The following ANKRD18B variants were observed in gnomAD, a reference collection of about 807,000 sequenced individuals.
The protein encoded by ANKRD18B is ankyrin repeat domain-containing protein 18B.
In ANKRD18B, 75 loss-of-function variants were observed where a neutral mutation model predicts 111.8. The observed-to-expected ratio is 0.67, with a 90% CI of 0.56 to 0.81. The LOEUF (loss-of-function observed/expected upper bound fraction) is 0.81. ANKRD18B is among the 40% of genes least tolerant of loss of function. ANKRD18B has a pLI of 0.00. For synonymous variants in ANKRD18B, 356 were observed against 417.3 expected (o/e 0.85, Z 1.79); for missense variants, 1,038 against 1,225.5 (o/e 0.85, Z 2.28).
intron 6 of ANKRD18B, among the ~76,000 whole-genome samples, chr9:33,538,686 G>A (rs10971555): frequency 2.0e-5 from 3 of 151,682 alleles, no homozygotes; most frequent in Admixed American, 2.0e-4. Context: ...CAGTGAACCG[G>A]AATGCACCAC....
intron 13 of ANKRD18B, 106 bp downstream of exon 13, chr9:33,555,926 C>A (rs2118090909): frequency 4.6e-5 from 33 of 715,898 alleles, no homozygotes; most frequent in Non-Finnish European, 5.2e-5. Context: ...TCTTCATTTT[C>A]ATAATTAAAT....
At chr9:33,555,633 A>T (rs776707673) in intron 12 of ANKRD18B, 75 bp from the exon 13 acceptor site, 1 of 1,100,842 alleles carries the variant, frequency 9.1e-7, no homozygotes, top group East Asian at 3.2e-5. Context: ...TCATCAACTT[A>T]TGAGAAATAA....
intron 1 of ANKRD18B, among the ~76,000 whole-genome samples, chr9:33,527,457 G>A (rs1828042251): frequency 6.6e-6 from 1 of 152,078 alleles, no homozygotes; most frequent in Non-Finnish European, 1.5e-5. Flanking sequence ...GAGTAGCTGG[G>A]ATTACAGGTG....
intron 3 of ANKRD18B, among the ~76,000 whole-genome samples, chr9:33,533,015 A>C (rs905619492): frequency 6.6e-6 from 1 of 152,192 alleles, no homozygotes; most frequent in Non-Finnish European, 1.5e-5. Flanking sequence ...ACACTTCTCT[A>C]GAGGTAATAA....
At chr9:33,573,719 G>A (rs1362613511), downstream of ANKRD18B, among the ~76,000 whole-genome samples, 2 of 145,056 alleles carry the variant, frequency 1.4e-5, no homozygotes, top group African/African-American at 2.4e-5. Flanking sequence ...TGGGCTGATG[G>A]CAGCATTGTA....
chr9:33,531,314 CAGAGAA>C (rs1563899039), intron 3 of ANKRD18B, among the ~76,000 whole-genome samples: 2 of 151,828 alleles, frequency 1.3e-5, no homozygotes, highest in African/African-American at 4.8e-5. Flanking sequence ...CGATACTAGA[CAGAGAA>C]AAAGTTCCAC....
At chr9:33,534,333 A>G in intron 4 of ANKRD18B, 37 bp from the exon 5 acceptor site, 1 of 1,503,528 alleles carries the variant, frequency 6.7e-7, no homozygotes, top group Non-Finnish European at 8.9e-7. Flanking sequence ...TATCTTTATC[A>G]AAGTTCTTGA....
chr9:33,541,365 T>C, intron 9 of ANKRD18B, 138 bp downstream of exon 9: 1 of 1,279,228 alleles, frequency 7.8e-7, no homozygotes, highest in Non-Finnish European at 1.0e-6. Context: ...TTTTCACCCA[T>C]CCATGATAAA....
Position 33,536,901 on chromosome 9 carries a change from A to G in ANKRD18B, c.764A>G (p.His255Arg). 6.7e-7 allele frequency: 1 copy of G among 1,499,424 alleles called. No individual in the cohort carries two copies. Among genetic ancestry groups the G allele is most frequent in the South Asian group, 1.3e-5 (1 of 78,402 alleles). 92.9% of individuals were successfully genotyped at this position (1,499,424 alleles called of 1,614,324 possible). Residue 255 changes from histidine (H) to arginine (R), a missense_variant, in exon 6 of 19, where the codon CAT becomes CGT. His to Arg is a conservative substitution (Grantham distance 29). Transcript: ENST00000684830. Reference protein sequence around the residue: ...LRSIQQQILEHKNKMLKNHLR... With the variant: ...LRSIQQQILERKNKMLKNHLR... Reference sequence around the variant, plus strand: ...AGCATCCAACAACAAATTTTGGAACATAAAAATAAGATGCTTAAAAATCAT... The same window carrying G: ...AGCATCCAACAACAAATTTTGGAACGTAAAAATAAGATGCTTAAAAATCAT...
intron 6 of ANKRD18B, among the ~76,000 whole-genome samples, chr9:33,537,383 T>A (rs1023549776): frequency 2.8e-4 from 43 of 152,152 alleles, no homozygotes; most frequent in Non-Finnish European, 5.7e-4. Flanking sequence ...ATTAATTTTT[T>A]AAATTTAATT....
In ANKRD18B at chr9:33,554,991, G is replaced by A. The variant is rs1427721410; in HGVS notation, c.2218-717G>A. ...GTTTTGCTCTAAAGAGCCTTGCACT[G>A]GTTTATCTCAAGTTTCAATATAACA... On this transcript the variant is annotated intron_variant, in intron 12 of 18. Transcript: ENST00000684830. Among the ~76,000 whole-genome samples, 21 of 132,530 alleles carry A rather than the reference G, an allele frequency of 1.6e-4. 1 individual carries two copies. The highest frequency in any genetic ancestry group is 2.6e-4 in the Non-Finnish European group (15 of 57,298). 86.9% of individuals were successfully genotyped at this position (132,530 alleles called of 152,430 possible). A position where few individuals can be genotyped will look rare whatever the true frequency, so the allele number is the denominator to read the frequency against.
rs1363481245 is a variant in ANKRD18B at position 33,567,240 on chromosome 9, T to A, written c.2880T>A (p.Thr960=). The part of the protein sequence containing the change: ...KMKTAYEDVT[T]ELEEYKEAFA... ...AAACAGCTTATGAAGATGTTACAAC[T>A]GAATTAGAAGAGTATAAGGAAGCCT... Residue 960 remains threonine, a synonymous_variant, in exon 16 of 19, where the codon ACT becomes ACA. Coordinates refer to ENST00000684830, the MANE Select transcript of ANKRD18B (RefSeq NM_001393611.1). 1 of 1,550,060 alleles carries A rather than the reference T, an allele frequency of 6.5e-7. No individual in the cohort carries two copies. Among genetic ancestry groups the A allele is most frequent in the Admixed American group, 2.0e-5 (1 of 50,846 alleles).
At chr9:33,524,820 G>C in intron 1 of ANKRD18B, 125 bp downstream of exon 1, 5 of 1,170,568 alleles carry the variant, frequency 4.3e-6, no homozygotes, top group Non-Finnish European at 5.9e-6. Flanking sequence ...AGCCTCAGCT[G>C]CTTTCCATCG....
In ANKRD18B at chr9:33,548,451, A is replaced by C. The variant is rs1192977119; in HGVS notation, c.1663A>C (p.Asn555His). The change falls in exon 11 of 19, where the codon AAT (asparagine) becomes CAT (histidine). Residue 555 changes from asparagine to histidine, a missense_variant. By Grantham distance (68) the Asn-to-His change is moderately conservative (BLOSUM62 1). Transcript: ENST00000684830. ...GGTCCATAAAGCTCGGGTGAAGTTCAATACCTTAAAAGGTAAGCTCCGTGA... is the reference window on the plus strand; with the variant it reads ...GGTCCATAAAGCTCGGGTGAAGTTCCATACCTTAAAAGGTAAGCTCCGTGA... ...EQVHKARVKF[N>H]TLKGKLRETR... 1.3e-6 allele frequency: 2 copies of C among 1,551,334 alleles called. No homozygotes were observed. Among genetic ancestry groups the C allele is most frequent in the Non-Finnish European group, 1.7e-6 (2 of 1,146,702 alleles).
chr9:33,537,003 A>C (rs1253869093), intron 6 of ANKRD18B, 58 bp downstream of exon 6: 1 of 1,346,196 alleles, frequency 7.4e-7, no homozygotes, highest in Non-Finnish European at 1.0e-6. Context: ...GATTTTAAAA[A>C]GCAAAATTAC....
intron 10 of ANKRD18B, among the ~76,000 whole-genome samples, chr9:33,547,235 A>G (rs930454084): frequency 2.3e-4 from 35 of 152,228 alleles, no homozygotes; most frequent in Middle Eastern, 3.4e-3. Context: ...GGTAACTGTG[A>G]TCTGATGGAG....
chr9:33,558,294 C>G, intron 14 of ANKRD18B, 107 bp downstream of exon 14: 7 of 1,260,864 alleles, frequency 5.6e-6, no homozygotes, highest in Non-Finnish European at 6.5e-6. Context: ...CTGCACGTAT[C>G]AATCCATCAC....
chr9:33,534,923 C>T (rs1435634300), intron 5 of ANKRD18B, among the ~76,000 whole-genome samples: 1 of 150,970 alleles, frequency 6.6e-6, no homozygotes, highest in Non-Finnish European at 1.5e-5. Context: ...CTGCTAGCCA[C>T]CATGCCTGGC....
At chr9:33,547,774 A>C (rs1453079252) in intron 10 of ANKRD18B, among the ~76,000 whole-genome samples, 164 bp from the exon 11 acceptor site, 1 of 150,944 alleles carries the variant, frequency 6.6e-6, no homozygotes, top group Non-Finnish European at 1.5e-5. Flanking sequence ...TTTGAAATGT[A>C]TGTTCTCTAA....
Sources: allele counts gnomAD v4.1 joint callset (sites outside exome capture counted in the v4.1 genomes callset), GRCh38; gene constraint gnomAD v4.1.1; transcripts MANE v1.5; gene names NCBI Gene and HGNC (gene_info 2026-07-23, HGNC 2026-07-21).